CBFA2T3: variants seen among roughly 807,000 people sequenced by gnomAD.
CBFA2T3 encodes the protein CBFA2/RUNX1 partner transcriptional co-repressor 3.
A neutral mutation model predicts 58.6 loss-of-function variants in CBFA2T3; 31 were observed. The ratio of observed to expected loss-of-function variants is 0.53; its 90% CI spans 0.40 to 0.71. The LOEUF (loss-of-function observed/expected upper bound fraction) is 0.71, where lower values mean the gene tolerates loss of function less well. Among genes scored for constraint, CBFA2T3 ranks in the 30% least tolerant of loss-of-function variants. The pLI is 0.00. For missense variants in CBFA2T3, 1,076 were observed against 963.1 expected, an observed-to-expected ratio of 1.12 and a Z score of -1.55; for synonymous variants, 531 against 421.9, an observed-to-expected ratio of 1.26 and a Z score of -3.17.
rs1183007678 is a variant in CBFA2T3, at chr16:88,894,605, G to GCA, written c.380-2121_380-2120insTG. Among the ~76,000 whole-genome samples the GCA allele has an allele frequency of 1.1e-4, 15 of 142,512 alleles. 1 individual carries two copies. Among genetic ancestry groups the GCA allele is most frequent in the African/African-American group, 4.2e-4 (14 of 33,112 alleles). 93.5% of individuals were successfully genotyped at this position (142,512 alleles called of 152,430 possible). On this transcript the variant is annotated intron_variant, in intron 3 of 11. Transcript: ENST00000268679. ...GCATACATATACACATGCACACAAT[G>GCA]TACACACATGCACACACACATGCAC...
intron 1 of CBFA2T3, among the ~76,000 whole-genome samples, chr16:88,905,768 G>T (rs1407931110): frequency 2.0e-5 from 3 of 147,524 alleles, no homozygotes; most frequent in Non-Finnish European, 4.5e-5. Flanking sequence ...AGGACGGTGG[G>T]GATGAGGGGG....
At chr16:88,922,155 C>T (rs1970943108) in intron 1 of CBFA2T3, among the ~76,000 whole-genome samples, 1 of 152,228 alleles carries the variant, frequency 6.6e-6, no homozygotes, top group African/African-American at 2.4e-5. Flanking sequence ...GGTGGGGGTA[C>T]TTCCGGTCTA....
intron 1 of CBFA2T3, among the ~76,000 whole-genome samples, chr16:88,951,855 G>A (rs944846432): frequency 1.3e-5 from 2 of 152,218 alleles, no homozygotes; most frequent in Admixed American, 1.3e-4. Flanking sequence ...AGCGGCGGAG[G>A]GTGTGCTAAT....
At chr16:88,897,988 G>C (rs555346255) in intron 3 of CBFA2T3, 90 bp downstream of exon 3, 4 of 944,508 alleles carry the variant, frequency 4.2e-6, no homozygotes, top group Non-Finnish European at 6.9e-6. Flanking sequence ...GAGGAGAGCT[G>C]AGCGCCCCCA....
chr16:88,947,574 C>T (rs901994561), intron 1 of CBFA2T3, among the ~76,000 whole-genome samples: 28 of 152,262 alleles, frequency 1.8e-4, no homozygotes, highest in African/African-American at 6.7e-4. Context: ...TAGTATACAA[C>T]CGATACAAAC....
chr16:88,960,175 C>T (rs1972323334), intron 1 of CBFA2T3, among the ~76,000 whole-genome samples: 1 of 152,172 alleles, frequency 6.6e-6, no homozygotes, highest in Non-Finnish European at 1.5e-5. Context: ...CCTCCCAGGA[C>T]AGCCCACGAG....
At chr16:88,951,839 G>A (rs991207655) in intron 1 of CBFA2T3, among the ~76,000 whole-genome samples, 23 of 152,358 alleles carry the variant, frequency 1.5e-4, no homozygotes, top group African/African-American at 4.1e-4. Flanking sequence ...AAGAGAAGGT[G>A]GGCAGAGCGG....
chr16:88,938,337 C>G (rs765250672), intron 1 of CBFA2T3: 1 of 150,990 alleles, frequency 6.6e-6, no homozygotes, highest in Non-Finnish European at 1.5e-5. Flanking sequence ...AAGGAACGCC[C>G]GGGCAGGGCT....
chr16:88,919,360 T>A (rs1190673730), intron 1 of CBFA2T3, among the ~76,000 whole-genome samples: 2 of 152,238 alleles, frequency 1.3e-5, no homozygotes, highest in African/African-American at 4.8e-5. Flanking sequence ...GCAAAACTGC[T>A]GGCGAGTGTA....
intron 1 of CBFA2T3, among the ~76,000 whole-genome samples, chr16:88,966,843 C>G (rs903957130): frequency 3.9e-5 from 6 of 152,172 alleles, no homozygotes; most frequent in Non-Finnish European, 8.8e-5. Flanking sequence ...ACTGCTGCCC[C>G]TCAGAGACCA....
At chr16:88,914,018 C>T (rs564303371) in intron 1 of CBFA2T3, among the ~76,000 whole-genome samples, 10 of 152,290 alleles carry the variant, frequency 6.6e-5, no homozygotes, top group Non-Finnish European at 1.3e-4. Flanking sequence ...CCTCAGCAAG[C>T]GTGCACCGAG....
intron 1 of CBFA2T3, among the ~76,000 whole-genome samples, chr16:88,920,598 CTTAA>C (rs1372142949): frequency 6.6e-6 from 1 of 152,182 alleles, no homozygotes; most frequent in East Asian, 1.9e-4. Context: ...AATATTTCAT[CTTAA>C]TTAATTCAAA....
chr16:88,967,407 C>T (rs966517770), intron 1 of CBFA2T3, among the ~76,000 whole-genome samples: 5 of 152,248 alleles, frequency 3.3e-5, no homozygotes, highest in African/African-American at 9.6e-5. Context: ...CGGCTTTCCA[C>T]ACCCTAAGTG....
chr16:88,934,034 T>C (rs139311091), intron 1 of CBFA2T3, among the ~76,000 whole-genome samples: 1 of 152,342 alleles, frequency 6.6e-6, no homozygotes, highest in Non-Finnish European at 1.5e-5. Flanking sequence ...GATTATATAT[T>C]ATAAACATTA....
Position 88,921,766 on chromosome 16 carries a change from C to G in CBFA2T3, c.152-20110G>C, listed in dbSNP as rs994745870. ...TACATCCGCGGTGCCGGGGGACTTG[C>G]GGCTGCAGCTCCCTCATTTGAAGTT... On this transcript the variant is annotated intron_variant, in intron 1 of 11. Transcript: ENST00000268679. Among the ~76,000 whole-genome samples, 4 of 152,372 alleles carry G rather than the reference C, an allele frequency of 2.6e-5. No individual in the cohort carries two copies. The East Asian group carries it at 5.8e-4, about 22-fold the overall frequency.
At chr16:88,952,961 C>T (rs929357488) in intron 1 of CBFA2T3, among the ~76,000 whole-genome samples, 1 of 148,704 alleles carries the variant, frequency 6.7e-6, no homozygotes, top group African/African-American at 2.5e-5. Context: ...TGTGTCGAGA[C>T]GGCATGTCCA....
Position 88,877,137 on chromosome 16 carries a change from C to T in CBFA2T3, c.1801G>A (p.Ala601Thr). Reference sequence around the variant, plus strand: ...CCAGGCACCGGGTCGGCCACCACGGCTGTGGGGCCCTGCAGGCTCTGGCCA... The same window carrying T: ...CCAGGCACCGGGTCGGCCACCACGGTTGTGGGGCCCTGCAGGCTCTGGCCA... ...VCGQSLQGPT[A>T]VVADPVPGPP... The change falls in exon 12 of 12, where the codon GCC (alanine) becomes ACC (threonine). Residue 601 changes from alanine (A) to threonine (T), a missense_variant. By Grantham distance (58) the Ala-to-Thr change is moderately conservative. Coordinates refer to ENST00000268679, the MANE Select transcript of CBFA2T3 (RefSeq NM_005187.6). The T allele has an allele frequency of 6.5e-7, 1 of 1,549,892 alleles. No homozygotes were observed. The highest frequency in any genetic ancestry group is 2.4e-5 in the East Asian group (1 of 40,998).
intron 1 of CBFA2T3, among the ~76,000 whole-genome samples, chr16:88,904,791 C>G (rs73254243): frequency 0.017 from 2,651 of 152,322 alleles, 89 homozygotes; most frequent in African/African-American, 0.061. Context: ...TGTGTGAGTG[C>G]TCCTGGCTGT....
chr16:88,876,458 A>AC lies in CBFA2T3; in HGVS notation c.*517dup, dbSNP rs548022138. 2.5e-4 allele frequency: 57 copies of AC among 229,462 alleles called. No individual in the cohort carries two copies. The highest frequency in any genetic ancestry group is 1.1e-3 in the African/African-American group (49 of 44,668). 14.2% of individuals were successfully genotyped at this position (229,462 alleles called of 1,614,324 possible). A position where few individuals can be genotyped will look rare whatever the true frequency, so the allele number is the denominator to read the frequency against. The stretch of plus-strand genomic sequence containing the variant: ...TCCCTTTTTAATCAGGAGGGGGAGA[A>AC]CCCCCCCGTTTTCTTTGTCCATTTC... On this transcript the variant is annotated 3_prime_UTR_variant, in exon 12 of 12. Coordinates refer to ENST00000268679, the MANE Select transcript of CBFA2T3 (RefSeq NM_005187.6).
Sources: gnomAD v4.1 joint callset for allele counts (sites outside exome capture counted in the v4.1 genomes callset) on GRCh38, gnomAD v4.1.1 for gene constraint, MANE v1.5 for transcripts, NCBI Gene and HGNC (gene_info 2026-07-23, HGNC 2026-07-21) for gene names.